DDX11: variants seen among roughly 807,000 people sequenced by gnomAD.
The protein encoded by DDX11 is DEAD/H-box helicase 11, also known as ATP-dependent DNA helicase DDX11.
DDX11 carries 72 observed loss-of-function variants against 125.2 expected under a neutral mutation model. The observed-to-expected ratio is 0.58, with a 90% CI of 0.48 to 0.70. The LOEUF (loss-of-function observed/expected upper bound fraction) is 0.70. DDX11 is among the 30% of genes least tolerant of loss of function. The probability of loss-of-function intolerance (pLI) is 0.00; values close to 1 mark genes in which losing one functional copy is unlikely to be tolerated. For synonymous variants in DDX11, 347 were observed against 452.6 expected, an observed-to-expected ratio of 0.77 and a Z score of 2.96; for missense variants, 883 against 1,165.0, an observed-to-expected ratio of 0.76 and a Z score of 3.52.
intron 18 of DDX11, among the ~76,000 whole-genome samples, chr12:31,099,647 C>T (rs1335092663): frequency 2.0e-5 from 3 of 151,620 alleles, no homozygotes. Context: ...CCAGGCTTCT[C>T]TCCGTGTGCT....
chr12:31,089,126 G>C lies in DDX11; in HGVS notation c.767G>C (p.Arg256Pro). 1.2e-6 allele frequency: 2 copies of C among 1,613,918 alleles called. No individual in the cohort carries two copies. Among genetic ancestry groups the C allele is most frequent in the Non-Finnish European group, 1.7e-6 (2 of 1,179,816 alleles). ...VKKSPFGKDV[R>P]LVSLGSRQNL... ...AAGAGCCCCTTTGGCAAGGATGTTC[G>C]GCTGGTCTCCCTTGGCTCCCGGCAG... The change falls in exon 7 of 27, where the codon CGG (arginine) becomes CCG (proline). Residue 256 changes from arginine (R) to proline (P), a missense_variant. Coordinates refer to ENST00000542838, the MANE Select transcript of DDX11 (RefSeq NM_030653.4).
chr12:31,103,375 A>G lies in DDX11; in HGVS notation c.2516A>G (p.Lys839Arg), dbSNP rs766014429. 72 of 1,610,012 alleles carry G rather than the reference A, an allele frequency of 4.5e-5. No individual in the cohort carries two copies. The highest frequency in any genetic ancestry group is 5.5e-5 in the Non-Finnish European group (65 of 1,179,046). ...GCTCTGGTGGAGAACCTGTGCATGA[A>G]GGCCGTCAACCAGTCCATAGGTGAG... is the stretch of plus-strand genomic sequence containing the variant. ...GKALVENLCM[K>R]AVNQSIGRAI... is the part of the protein sequence containing the mutation. The change falls in exon 25 of 27, where the codon AAG becomes AGG. Residue 839 changes from lysine (K) to arginine (R), a missense_variant. Physicochemically the swap from Lys to Arg is conservative, Grantham distance 26. Coordinates refer to ENST00000542838, the MANE Select transcript of DDX11 (RefSeq NM_030653.4).
At position 31,081,983 on chromosome 12, in the gene DDX11, G is replaced by A. The variant is rs185743164; in HGVS notation, c.145-1830G>A. 7.8e-3 allele frequency among the ~76,000 whole-genome samples: 966 copies of A among 124,360 alleles called. 22 individuals are homozygous for A. The highest frequency in any genetic ancestry group is 0.031 in the African/African-American group (915 of 29,266). The allele number at this position is 124,360 out of a possible 152,430, so 81.6% of individuals were successfully genotyped here. On this transcript the variant is annotated intron_variant, in intron 2 of 26. Transcript: ENST00000542838. ...GTGACAGCTGAAGCTGACTGCTTCC[G>A]ATATCACAGACAGCACAGAAGAGCC...
intron 14 of DDX11, among the ~76,000 whole-genome samples, chr12:31,095,756 C>G (rs1371898591): frequency 6.6e-6 from 1 of 152,210 alleles, no homozygotes; most frequent in Non-Finnish European, 1.5e-5. Flanking sequence ...CTCTCGCCTT[C>G]CCTTTGCCCT....
intron 20 of DDX11, 30 bp downstream of exon 20, chr12:31,101,160 G>A (rs1475539015): frequency 6.3e-7 from 1 of 1,599,576 alleles, no homozygotes; most frequent in South Asian, 1.1e-5. Context: ...CCGCACCACA[G>A]CCTGGCCTCA....
chr12:31,080,372 T>C (rs935947776), intron 2 of DDX11, among the ~76,000 whole-genome samples: 6 of 152,200 alleles, frequency 3.9e-5, no homozygotes, highest in African/African-American at 1.2e-4. Context: ...CTCCTCAATC[T>C]GCCGGTTGCC....
At chr12:31,094,556 C>T in intron 12 of DDX11, 34 bp from the exon 13 acceptor site, 2 of 1,565,982 alleles carry the variant, frequency 1.3e-6, no homozygotes, top group Non-Finnish European at 1.7e-6. Flanking sequence ...TCCTGAGAAC[C>T]AGCATTGTGA....
chr12:31,097,051 G>T (rs543298119), intron 17 of DDX11, 61 bp downstream of exon 17: 11 of 1,604,852 alleles, frequency 6.9e-6, no homozygotes, highest in South Asian at 6.7e-5. Context: ...GAGCCCGGGA[G>T]CCGCAGCGTG....
Position 31,073,884 on chromosome 12 carries a change from G to C in DDX11, c.-212G>C, listed in dbSNP as rs1940313277. The C allele has an allele frequency of 6.6e-6, 1 of 152,280 alleles. No individual in the cohort carries two copies. The highest frequency in any genetic ancestry group is 1.5e-5 in the Non-Finnish European group (1 of 68,064). 9.4% of individuals were successfully genotyped at this position (152,280 alleles called of 1,614,324 possible). A position where few individuals can be genotyped will look rare whatever the true frequency, so the allele number is the denominator to read the frequency against. The stretch of plus-strand genomic sequence containing the variant: ...GGTTGTTCCGGCTGCCTTTCACTGA[G>C]GGGACCCGCCAGTTTCTAACTCAGT... On this transcript the variant is annotated 5_prime_UTR_variant, in exon 1 of 27. Transcript: ENST00000542838.
chr12:31,101,191 G>A (rs1358750956), intron 20 of DDX11, 61 bp downstream of exon 20: 1 of 1,473,444 alleles, frequency 6.8e-7, no homozygotes, highest in African/African-American at 1.4e-5. Context: ...GGTTTTCTGG[G>A]GCAGGGGCGC....
chr12:31,090,839 CT>C (rs1400336061), intron 9 of DDX11, among the ~76,000 whole-genome samples: 1 of 152,230 alleles, frequency 6.6e-6, no homozygotes, highest in Non-Finnish European at 1.5e-5. Context: ...ACCTGCTGAG[CT>C]GTGTGGGCAC....
At chr12:31,093,761 T>A (rs1944710829) in intron 12 of DDX11, 1 of 196,734 alleles carries the variant, frequency 5.1e-6, no homozygotes, top group African/African-American at 2.7e-5. Context: ...TCTTGGTCAT[T>A]GATTTAGAAA....
rs752710555 is a variant in DDX11, at chr12:31,102,991, G to A, written c.2428G>A (p.Glu810Lys). ...CAACATCAGGTCTGCAGAGCTGCAG[G>A]AGAAGATGGCCTACTTGGATCAAAC... ...FPNIRSAELQ[E>K]KMAYLDQTLP... Residue 810 changes from glutamate (E) to lysine (K), a missense_variant, in exon 24 of 27, where the codon GAG becomes AAG. By Grantham distance (56) the Glu-to-Lys change is moderately conservative (BLOSUM62 1). Transcript: ENST00000542838. 5 of 1,613,936 alleles carry A rather than the reference G, an allele frequency of 3.1e-6. No individual in the cohort carries two copies. The highest frequency in any genetic ancestry group is 4.2e-6 in the Non-Finnish European group (5 of 1,179,824).
At position 31,096,948 on chromosome 12, in the gene DDX11, A is replaced by G. The variant is rs1945354961; in HGVS notation, c.1720A>G (p.Thr574Ala). 2 of 1,614,016 alleles carry G rather than the reference A, an allele frequency of 1.2e-6. No individual in the cohort carries two copies. Among genetic ancestry groups the G allele is most frequent in the Non-Finnish European group, 1.7e-6 (2 of 1,179,980 alleles). ...CATCCAAGGCTTCCTGGCAGCTCTC[A>G]CTACGGCCAACCAGGACGGCAGGGT... ...MHIQGFLAALTTANQDGRVIL... is the reference protein window; with the variant it reads ...MHIQGFLAALATANQDGRVIL... The change falls in exon 17 of 27, where the codon ACT (threonine) becomes GCT (alanine). Residue 574 changes from threonine (T) to alanine (A), a missense_variant. Around this residue, in one of 5 missense-constraint regions of DDX11, gnomAD observed 241 missense variants for 279.7 expected, o/e 0.86. Transcript: ENST00000542838.
chr12:31,075,333 T>A (rs997090816), intron 1 of DDX11, among the ~76,000 whole-genome samples: 6 of 152,132 alleles, frequency 3.9e-5, no homozygotes, highest in African/African-American at 1.4e-4. Flanking sequence ...GTGTTGTCAT[T>A]CTAGAGTTTG....
intron 23 of DDX11, 111 bp from the exon 24 acceptor site, chr12:31,102,825 A>T: frequency 1.1e-6 from 1 of 902,428 alleles, no homozygotes; most frequent in Non-Finnish European, 1.7e-6. Context: ...CTGAGTTTTG[A>T]TCACAGTCGG....
intron 2 of DDX11, among the ~76,000 whole-genome samples, chr12:31,078,763 C>T (rs1941234030): frequency 1.3e-5 from 2 of 151,422 alleles, no homozygotes; most frequent in African/African-American, 2.4e-5. Flanking sequence ...TCTCGGCTCA[C>T]TGCAAGCTCC....
rs7958284 is a variant in DDX11 at position 31,097,874 on chromosome 12, T to C, written c.1763-11T>C. ...GGCTTGCACTCACCTCCCACCGATC[T>C]GTTTTTCCAGGCAGCCTCAGTCAGA... is the stretch of plus-strand genomic sequence containing the variant. On this transcript the variant is annotated splice_polypyrimidine_tract_variant and intron_variant, in intron 17 of 26. Coordinates refer to ENST00000542838, the MANE Select transcript of DDX11 (RefSeq NM_030653.4). 1.9e-3 allele frequency: 3,010 copies of C among 1,601,400 alleles called. 50 individuals are homozygous for C. In the African/African-American group the frequency reaches 0.035, roughly 19 times the overall value.
chr12:31,076,070 G>A (rs1284118668), intron 1 of DDX11, among the ~76,000 whole-genome samples: 2 of 152,180 alleles, frequency 1.3e-5, no homozygotes, highest in African/African-American at 4.8e-5. Context: ...AGATGAGGCT[G>A]GGAGCCTGAC....
Sources: gnomAD v4.1 joint callset for allele counts (sites outside exome capture counted in the v4.1 genomes callset) on GRCh38, gnomAD v4.1.1 for gene constraint, gnomAD v4.1.1 regional missense constraint, MANE v1.5 for transcripts, NCBI Gene and HGNC (gene_info 2026-07-23, HGNC 2026-07-21) for gene names.